CDK13: variants seen among roughly 807,000 people sequenced by gnomAD.
The protein encoded by CDK13 is cyclin-dependent kinase 13.
In CDK13, 40 loss-of-function variants were observed where a neutral mutation model predicts 137.6. The observed-to-expected ratio is 0.29, with a 90% confidence interval of 0.23 to 0.38. The LOEUF (loss-of-function observed/expected upper bound fraction) is 0.38, where lower values mean the gene tolerates loss of function less well. Among genes scored for constraint, CDK13 ranks in the 10% least tolerant of loss-of-function variants. CDK13 has a pLI of 1.00. For synonymous variants in CDK13, 869 were observed against 760.1 expected, an observed-to-expected ratio of 1.14 and a Z score of -2.36; for missense variants, 1,704 against 1,951.8, an observed-to-expected ratio of 0.87 and a Z score of 2.39.
intron 5 of CDK13, among the ~76,000 whole-genome samples, chr7:40,036,909 A>G (rs1785498962): frequency 2.0e-5 from 3 of 152,206 alleles, no homozygotes; most frequent in African/African-American, 7.2e-5. Context: ...AGTTGTCTCA[A>G]AAATGTTTTT....
chr7:40,098,208 C>T lies in CDK13; in HGVS notation c.*3228C>T, dbSNP rs1033268455. On this transcript the variant is annotated 3_prime_UTR_variant, in exon 14 of 14. Coordinates refer to ENST00000181839, the MANE Select transcript of CDK13 (RefSeq NM_003718.5). ...GATAAAATTTTAAGTTGAATCTGGT[C>T]AGTTTGCAATGGCCTATTTGTAAGA... 6.6e-6 allele frequency: 1 copy of T among 151,940 alleles called. No individual in the cohort carries two copies. The highest frequency in any genetic ancestry group is 1.5e-5 in the Non-Finnish European group (1 of 67,936). 9.4% of individuals were successfully genotyped at this position (151,940 alleles called of 1,614,324 possible).
chr7:39,984,040 A>G (rs1784284652), intron 1 of CDK13: 1 of 152,184 alleles, frequency 6.6e-6, no homozygotes, highest in African/African-American at 2.4e-5. Flanking sequence ...AGTTTATCCT[A>G]AACCTAATCA....
chr7:39,960,507 T>C (rs1057032388), intron 1 of CDK13, among the ~76,000 whole-genome samples: 1 of 152,158 alleles, frequency 6.6e-6, no homozygotes, highest in African/African-American at 2.4e-5. Flanking sequence ...TCCGCCCGCC[T>C]TGGCCTCTCA....
At position 40,074,338 on chromosome 7, in the gene CDK13, C is replaced by T. The variant is rs578098685; in HGVS notation, c.2781-3667C>T. Among the ~76,000 whole-genome samples the T allele has an allele frequency of 2.6e-5, 4 of 152,102 alleles. No individual in the cohort carries two copies. The East Asian group carries it at 7.8e-4, about 30-fold the overall frequency. On this transcript the variant is annotated intron_variant, in intron 9 of 13. Transcript: ENST00000181839. Reference sequence around the variant, plus strand: ...GAGATCGAGACCATCCTGGCTAACACAGTGAAACCCTGTCTCTACTAAAAA... The same window carrying T: ...GAGATCGAGACCATCCTGGCTAACATAGTGAAACCCTGTCTCTACTAAAAA...
chr7:39,950,695 G>C lies in CDK13; in HGVS notation c.54G>C (p.Ala18=). 6.9e-7 allele frequency: 1 copy of C among 1,439,590 alleles called. No individual in the cohort carries two copies. Among genetic ancestry groups the C allele is most frequent in the East Asian group, 3.0e-5 (1 of 33,374 alleles). The allele number at this position is 1,439,590 out of a possible 1,614,324, so 89.2% of individuals were successfully genotyped here. The part of the protein sequence containing the change: ...ALGGGGGLSW[A]EKKLEERRKR... Reference sequence around the variant, plus strand: ...GGGGAGGCGGGGGCCTGAGCTGGGCGGAGAAGAAGTTGGAGGAACGCCGCA... The same window carrying C: ...GGGGAGGCGGGGGCCTGAGCTGGGCCGAGAAGAAGTTGGAGGAACGCCGCA... Residue 18 remains alanine (A), a synonymous_variant, in exon 1 of 14, where the codon GCG becomes GCC. Coordinates refer to ENST00000181839, the MANE Select transcript of CDK13 (RefSeq NM_003718.5).
At chr7:39,999,907 A>C (rs995818848) in intron 4 of CDK13, among the ~76,000 whole-genome samples, 1 of 152,064 alleles carries the variant, frequency 6.6e-6, no homozygotes, top group Non-Finnish European at 1.5e-5. Flanking sequence ...TGCAGTAACT[A>C]TCCTTGGAGG....
rs374386708 is a variant in CDK13 at position 40,036,800 on chromosome 7, A to G, written c.2354-9036A>G. On this transcript the variant is annotated intron_variant, in intron 5 of 13. Coordinates refer to ENST00000181839, the MANE Select transcript of CDK13 (RefSeq NM_003718.5). ...CTTTGATTATGGAGAGACAATAGAT[A>G]ATGAAATTGTAGTTACATTTAAAAA... is the stretch of plus-strand genomic sequence containing the variant. Among the ~76,000 whole-genome samples, 5 of 152,216 alleles carry G rather than the reference A, an allele frequency of 3.3e-5. No individual in the cohort carries two copies. The East Asian group carries it at 5.8e-4, about 18-fold the overall frequency.
At chr7:40,026,666 G>C (rs1322091453) in intron 5 of CDK13, among the ~76,000 whole-genome samples, 2 of 152,156 alleles carry the variant, frequency 1.3e-5, no homozygotes, top group African/African-American at 4.8e-5. Flanking sequence ...CCTTGAAATA[G>C]CCAAAACATG....
intron 5 of CDK13, among the ~76,000 whole-genome samples, chr7:40,031,522 G>A (rs550414703): frequency 4.2e-4 from 64 of 151,940 alleles, no homozygotes; most frequent in Non-Finnish European, 7.9e-4. Context: ...ACTCTGTCTC[G>A]AAAAAAAGAA....
chr7:39,957,479 A>G (rs1787451715), intron 1 of CDK13, among the ~76,000 whole-genome samples: 1 of 152,158 alleles, frequency 6.6e-6, no homozygotes, highest in African/African-American at 2.4e-5. Flanking sequence ...TTTTTTCTCT[A>G]CAGATTAGTG....
At chr7:40,044,207 T>C (rs1219153166) in intron 5 of CDK13, among the ~76,000 whole-genome samples, 1 of 152,040 alleles carries the variant, frequency 6.6e-6, no homozygotes, top group Non-Finnish European at 1.5e-5. Context: ...CAGTTTTGTA[T>C]AATTCTTGTT....
chr7:40,017,763 TTC>T (rs750964432), intron 5 of CDK13, among the ~76,000 whole-genome samples: 32 of 152,016 alleles, frequency 2.1e-4, no homozygotes, highest in Non-Finnish European at 4.0e-4. Flanking sequence ...GAAGGGTGGT[TTC>T]TCTCATGCTT....
intron 4 of CDK13, among the ~76,000 whole-genome samples, chr7:40,001,276 G>T (rs1292992509): frequency 6.6e-6 from 1 of 150,480 alleles, no homozygotes; most frequent in South Asian, 2.1e-4. Context: ...AGTGCAGAGT[G>T]CAGTGGCGTG....
chr7:40,045,750 T>C, intron 5 of CDK13, 86 bp from the exon 6 acceptor site: 3 of 849,064 alleles, frequency 3.5e-6, no homozygotes, highest in Non-Finnish European at 3.8e-6. Context: ...ATTCTTCCTC[T>C]ACCAGCCTTT....
rs576279619 is a variant in CDK13 at position 40,023,366 on chromosome 7, A to G, written c.2353+21335A>G. ...AGGCATGAGCCACCGTGCCCTGCAA[A>G]CTTCTGATTATACATTTTCATAAGG... On this transcript the variant is annotated intron_variant, in intron 5 of 13. Coordinates refer to ENST00000181839, the MANE Select transcript of CDK13 (RefSeq NM_003718.5). Among the ~76,000 whole-genome samples the G allele has an allele frequency of 1.9e-3, 284 of 152,054 alleles. 1 individual carries two copies. The highest frequency in any genetic ancestry group is 3.4e-3 in the Non-Finnish European group (231 of 67,976).
chr7:40,096,568 T>G lies in CDK13; in HGVS notation c.*1588T>G, dbSNP rs1399932069. The stretch of plus-strand genomic sequence containing the variant: ...TAATCATTTTGTTCATCAACTGTTC[T>G]GGTAACTTATTTTTTTTTATTGGAA... On this transcript the variant is annotated 3_prime_UTR_variant, in exon 14 of 14. Coordinates refer to ENST00000181839, the MANE Select transcript of CDK13 (RefSeq NM_003718.5). 3 of 152,182 alleles carry G rather than the reference T, an allele frequency of 2.0e-5. No homozygotes were observed. Among genetic ancestry groups the G allele is most frequent in the African/African-American group, 4.8e-5 (2 of 41,450 alleles). The allele number at this position is 152,182 out of a possible 1,614,324, so 9.4% of individuals were successfully genotyped here.
At chr7:40,087,748 C>T (rs1298566512) in intron 11 of CDK13, among the ~76,000 whole-genome samples, 1 of 152,018 alleles carries the variant, frequency 6.6e-6, no homozygotes, top group Non-Finnish European at 1.5e-5. Context: ...GGGGTTTTGC[C>T]ATGTTGGCCA....
In CDK13 at chr7:40,093,030, C is replaced by A. The variant is rs1349469992; in HGVS notation, c.3481C>A (p.Pro1161Thr). Residue 1161 changes from proline (P) to threonine (T), a missense_variant, in exon 13 of 14, where the codon CCT becomes ACT. By Grantham distance (38) the Pro-to-Thr change is conservative (BLOSUM62 -1). Coordinates refer to ENST00000181839, the MANE Select transcript of CDK13 (RefSeq NM_003718.5). ...ESSKPLGGIQ[P>T]SSQTIQPKVE... ...TTCGAAACCGTTGGGAGGAATTCAG[C>A]CTTCTTCTCAGACCATCCAGCCTAA... is the stretch of plus-strand genomic sequence containing the variant. 1 of 1,614,174 alleles carries A rather than the reference C, an allele frequency of 6.2e-7. No homozygotes were observed. The highest frequency in any genetic ancestry group is 8.5e-7 in the Non-Finnish European group (1 of 1,180,028).
chr7:39,996,399 CAG>C (rs972513378), intron 2 of CDK13, among the ~76,000 whole-genome samples: 1 of 152,024 alleles, frequency 6.6e-6, no homozygotes, highest in African/African-American at 2.4e-5. Flanking sequence ...TTTGTCATAT[CAG>C]GGAAATTTAA....
Sources: allele counts gnomAD v4.1 joint callset (sites outside exome capture counted in the v4.1 genomes callset), GRCh38; gene constraint gnomAD v4.1.1; transcripts MANE v1.5; gene names NCBI Gene and HGNC (gene_info 2026-07-23, HGNC 2026-07-21).